Variants in ANKS1B observed in about 807,000 individuals in gnomAD.
ANKS1B encodes the protein ankyrin repeat and sterile alpha motif domain-containing protein 1B.
A neutral mutation model predicts 148.3 loss-of-function variants in ANKS1B; 36 were observed. The ratio of observed to expected loss-of-function variants is 0.24; its 90% CI spans 0.19 to 0.32. ANKS1B has a LOEUF of 0.32. Among genes scored for constraint, ANKS1B ranks in the 10% least tolerant of loss-of-function variants. The pLI is 1.00. For missense variants in ANKS1B, 1,157 were observed against 1,542.6 expected, an observed-to-expected ratio of 0.75 and a Z score of 4.19; for synonymous variants, 542 against 560.8, an observed-to-expected ratio of 0.97 and a Z score of 0.47.
At chr12:99,531,853 G>A (rs1160197860) in intron 9 of ANKS1B, among the ~76,000 whole-genome samples, 1 of 152,084 alleles carries the variant, frequency 6.6e-6, no homozygotes, top group Non-Finnish European at 1.5e-5. Flanking sequence ...CTCCGCATCT[G>A]AACCAACATC....
intron 25 of ANKS1B, among the ~76,000 whole-genome samples, chr12:98,753,757 G>A (rs1032692657): frequency 3.9e-5 from 6 of 152,130 alleles, no homozygotes; most frequent in African/African-American, 7.2e-5. Context: ...AATGTCCCTA[G>A]AATGTCCACT....
intron 11 of ANKS1B, among the ~76,000 whole-genome samples, chr12:99,414,187 C>T (rs1390944078): frequency 1.3e-5 from 2 of 152,022 alleles, no homozygotes; most frequent in Non-Finnish European, 2.9e-5. Flanking sequence ...GATATTCAAC[C>T]GTATTACCTG....
intron 8 of ANKS1B, among the ~76,000 whole-genome samples, chr12:99,668,443 G>T (rs900330582): frequency 6.6e-6 from 1 of 151,242 alleles, no homozygotes; most frequent in African/African-American, 2.4e-5. Context: ...TGGAAGCTTA[G>T]GTCTTTCATT....
At chr12:99,498,701 A>T (rs1771428044) in intron 10 of ANKS1B, among the ~76,000 whole-genome samples, 1 of 152,186 alleles carries the variant, frequency 6.6e-6, no homozygotes, top group Admixed American at 6.5e-5. Flanking sequence ...GTACTCAATA[A>T]GTGCTTATTG....
intron 16 of ANKS1B, among the ~76,000 whole-genome samples, chr12:99,062,412 G>A (rs2042747435): frequency 6.6e-6 from 1 of 152,114 alleles, no homozygotes; most frequent in Admixed American, 6.6e-5. Context: ...AAGAGAAGTG[G>A]CCTGAGAATG....
intron 8 of ANKS1B, among the ~76,000 whole-genome samples, chr12:99,757,573 C>A (rs2061686479): frequency 6.6e-6 from 1 of 152,048 alleles, no homozygotes; most frequent in Admixed American, 6.6e-5. Context: ...TTCAACACAG[C>A]AATCCCATTA....
chr12:99,602,020 G>C (rs923946545), intron 9 of ANKS1B, among the ~76,000 whole-genome samples: 1 of 151,988 alleles, frequency 6.6e-6, no homozygotes, highest in Non-Finnish European at 1.5e-5. Flanking sequence ...TTTATGTCTG[G>C]CTTTAGGGGA....
At chr12:99,449,903 CTATCTATCT>C (rs1264099040) in intron 10 of ANKS1B, among the ~76,000 whole-genome samples, 2 of 28,602 alleles carry the variant, frequency 7.0e-5, no homozygotes, top group African/African-American at 4.4e-4. Flanking sequence ...ATCTATCTAT[CTATCTATCT>C]ATCTATCTAT....
intron 1 of ANKS1B, among the ~76,000 whole-genome samples, chr12:99,894,768 A>T (rs1306538329): frequency 6.8e-6 from 1 of 147,148 alleles, no homozygotes. Context: ...ATTTATTATA[A>T]ATATATAATA....
At position 99,951,286 on chromosome 12, in the gene ANKS1B, C is replaced by T. The variant is rs559549032; in HGVS notation, c.134+32818G>A. ...TAGATACTTGGGCAGCCTTTTCAGT[C>T]TAGAGACTTACATCCACCGGTACTA... On this transcript the variant is annotated intron_variant, in intron 1 of 26. Coordinates refer to ENST00000683438, the MANE Select transcript of ANKS1B (RefSeq NM_001352186.2). Among the ~76,000 whole-genome samples, 28 of 152,308 alleles carry T rather than the reference C, an allele frequency of 1.8e-4. 1 individual carries two copies. The South Asian group carries it at 5.8e-3, about 32-fold the overall frequency.
intron 17 of ANKS1B, among the ~76,000 whole-genome samples, chr12:98,953,920 AGC>A (rs1251789238): frequency 6.6e-6 from 1 of 152,150 alleles, no homozygotes; most frequent in Non-Finnish European, 1.5e-5. Flanking sequence ...TTCAAGGTCC[AGC>A]TCATGTCTCA....
chr12:99,560,385 ATTT>A (rs1260999490), intron 9 of ANKS1B, among the ~76,000 whole-genome samples: 1 of 144,868 alleles, frequency 6.9e-6, no homozygotes, highest in Non-Finnish European at 1.5e-5. Context: ...GTTTTCTATG[ATTT>A]TTTTTAAGAA....
intron 22 of ANKS1B, among the ~76,000 whole-genome samples, chr12:98,791,261 C>G (rs2098847100): frequency 6.6e-6 from 1 of 151,402 alleles, no homozygotes. Flanking sequence ...AGGAGAATTG[C>G]TTGAACCCAG....
At chr12:99,031,867 C>A (rs897280321) in intron 17 of ANKS1B, among the ~76,000 whole-genome samples, 6 of 152,192 alleles carry the variant, frequency 3.9e-5, no homozygotes, top group Admixed American at 1.3e-4. Flanking sequence ...TCACTTGAAG[C>A]TAAAAGCATT....
intron 3 of ANKS1B, among the ~76,000 whole-genome samples, 195 bp from the exon 4 acceptor site, chr12:99,806,895 T>C (rs1283041204): frequency 1.3e-5 from 2 of 152,172 alleles, no homozygotes; most frequent in Admixed American, 6.5e-5. Flanking sequence ...ATTTTTTATA[T>C]CACTTTAATC....
At chr12:99,783,814 A>G (rs1035816726) in intron 4 of ANKS1B, among the ~76,000 whole-genome samples, 1 of 152,124 alleles carries the variant, frequency 6.6e-6, no homozygotes, top group Non-Finnish European at 1.5e-5. Flanking sequence ...AGTATTCTTT[A>G]GTAGGGTGAT....
At chr12:98,995,789 C>G (rs1366380312) in intron 17 of ANKS1B, among the ~76,000 whole-genome samples, 1 of 152,178 alleles carries the variant, frequency 6.6e-6, no homozygotes, top group African/African-American at 2.4e-5. Context: ...AGGCTTGATG[C>G]TCAGGAAGGT....
chr12:99,830,618 A>C (rs1253609953), intron 1 of ANKS1B, among the ~76,000 whole-genome samples: 1 of 147,804 alleles, frequency 6.8e-6, no homozygotes, highest in African/African-American at 2.6e-5. Context: ...ATATAGGAAT[A>C]AAGCTGACAT....
intron 17 of ANKS1B, among the ~76,000 whole-genome samples, chr12:98,975,106 C>T (rs915138567): frequency 3.1e-5 from 4 of 131,050 alleles, no homozygotes; most frequent in Non-Finnish European, 1.5e-5. Context: ...CTCCCTCCTA[C>T]TTTCTTCTGT....
Sources: gnomAD v4.1 joint callset for allele counts (sites outside exome capture counted in the v4.1 genomes callset) on GRCh38, gnomAD v4.1.1 for gene constraint, MANE v1.5 for transcripts, NCBI Gene and HGNC (gene_info 2026-07-23, HGNC 2026-07-21) for gene names.